Variants in TRPC3 observed in about 807,000 individuals in gnomAD.
The protein encoded by TRPC3 is short transient receptor potential channel 3.
In TRPC3, 54 loss-of-function variants were observed where a neutral mutation model predicts 90.9. The observed-to-expected ratio is 0.59, with a 90% CI of 0.48 to 0.75. The LOEUF (loss-of-function observed/expected upper bound fraction) is 0.75, where lower values mean the gene tolerates loss of function less well. Ranked by LOEUF, TRPC3 falls within the 30% of genes least tolerant of loss-of-function variation. The pLI is 0.00. For synonymous variants in TRPC3, 424 were observed against 450.9 expected, an observed-to-expected ratio of 0.94 and a Z score of 0.75; for missense variants, 918 against 1,194.5, an observed-to-expected ratio of 0.77 and a Z score of 3.41.
At chr4:121,914,591 C>G (rs749200935) in intron 4 of TRPC3, among the ~76,000 whole-genome samples, 189 bp downstream of exon 4, 1 of 152,252 alleles carries the variant, frequency 6.6e-6, no homozygotes, top group South Asian at 2.1e-4. Context: ...GTATATCCCA[C>G]TGGTACCAAA....
chr4:121,890,189 A>C (rs900193508), intron 10 of TRPC3, among the ~76,000 whole-genome samples: 1 of 152,170 alleles, frequency 6.6e-6, no homozygotes, highest in Non-Finnish European at 1.5e-5. Flanking sequence ...AAGTAGGGAG[A>C]AGTTGGTCAC....
At chr4:121,944,629 A>C (rs1679858934) in intron 1 of TRPC3, among the ~76,000 whole-genome samples, 1 of 152,204 alleles carries the variant, frequency 6.6e-6, no homozygotes, top group African/African-American at 2.4e-5. Context: ...TTTAATATTA[A>C]TAAAAGGGAT....
intron 1 of TRPC3, among the ~76,000 whole-genome samples, chr4:121,945,373 G>A (rs1202957940): frequency 6.6e-6 from 1 of 152,090 alleles, no homozygotes; most frequent in African/African-American, 2.4e-5. Flanking sequence ...AGGAGAACAA[G>A]GAATTGCAAC....
At chr4:121,919,564 A>G (rs1479351366) in intron 3 of TRPC3, among the ~76,000 whole-genome samples, 1 of 152,206 alleles carries the variant, frequency 6.6e-6, no homozygotes, top group Admixed American at 6.5e-5. Flanking sequence ...TGCAGGACAC[A>G]GGACTGTGCC....
At position 121,951,164 on chromosome 4, in the gene TRPC3, T is replaced by C. The variant is rs1316232635; in HGVS notation, c.215+302A>G. 6.6e-6 allele frequency among the ~76,000 whole-genome samples: 1 copy of C among 152,160 alleles called. No individual in the cohort carries two copies. The highest frequency in any genetic ancestry group is 2.4e-5 in the African/African-American group (1 of 41,448). ...CGGCTCTAATACAGGGAGTGGCTGC[T>C]CGCCAGGATGCTTGTCTGAAGTCAG... On this transcript the variant is annotated intron_variant, in intron 1 of 11. Transcript: ENST00000379645. The surrounding 1 kb of genome is among the most constrained non-coding windows in gnomAD (Gnocchi z 4.4).
At chr4:121,942,085 G>A (rs1372298950) in intron 1 of TRPC3, among the ~76,000 whole-genome samples, 2 of 152,070 alleles carry the variant, frequency 1.3e-5, no homozygotes, top group African/African-American at 2.4e-5. Flanking sequence ...AGAGGAAAGC[G>A]CAGATTTCAT....
intron 5 of TRPC3, 146 bp from the exon 6 acceptor site, chr4:121,910,533 G>A (rs1314498529): frequency 1.5e-6 from 1 of 658,772 alleles, no homozygotes; most frequent in East Asian, 2.7e-5. Flanking sequence ...CTGACTGTAT[G>A]GTCACTGAGG....
intron 4 of TRPC3, among the ~76,000 whole-genome samples, chr4:121,914,384 C>A (rs1010551565): frequency 1.3e-5 from 2 of 152,216 alleles, no homozygotes; most frequent in African/African-American, 4.8e-5. Context: ...TAGTTCCCAG[C>A]GTAACTGTTT....
rs920302722 is a variant in TRPC3 at position 121,878,376 on chromosome 4, G to A, written c.*1360C>T. Among the ~76,000 whole-genome samples the A allele has an allele frequency of 3.3e-5, 5 of 152,052 alleles. No individual in the cohort carries two copies. The highest frequency in any genetic ancestry group is 1.2e-4 in the African/African-American group (5 of 41,394). On this transcript the variant is annotated 3_prime_UTR_variant, in exon 12 of 12. Transcript: ENST00000379645. ...ATTTTAAAGTAGCATGTATTTAGTTGGTTTTAAGGACCTCTGAAAATCTTT... is the reference window on the plus strand; with the variant it reads ...ATTTTAAAGTAGCATGTATTTAGTTAGTTTTAAGGACCTCTGAAAATCTTT...
intron 10 of TRPC3, among the ~76,000 whole-genome samples, chr4:121,890,663 C>T (rs1578601222): frequency 1.3e-5 from 2 of 152,096 alleles, no homozygotes; most frequent in South Asian, 4.2e-4. Flanking sequence ...TAAAATTATT[C>T]AAAAATTAAA....
chr4:121,918,001 C>T (rs1729374623), intron 3 of TRPC3, among the ~76,000 whole-genome samples: 1 of 152,178 alleles, frequency 6.6e-6, no homozygotes, highest in Admixed American at 6.5e-5. Flanking sequence ...TTGAATGTGT[C>T]TCCTCCAACA....
At chr4:121,948,364 GT>G (rs79971079) in intron 1 of TRPC3, among the ~76,000 whole-genome samples, 38 of 70,650 alleles carry the variant, frequency 5.4e-4, no homozygotes, top group South Asian at 2.4e-3. Context: ...ATTCTAGCTG[GT>G]TTTTTTTTTT....
chr4:121,894,544 G>C (rs1328942114), intron 10 of TRPC3, among the ~76,000 whole-genome samples: 1 of 133,702 alleles, frequency 7.5e-6, no homozygotes, highest in African/African-American at 2.7e-5. Context: ...CAGCTGGAAA[G>C]TACACATTCT....
At chr4:121,893,069 C>T (rs1429457654) in intron 10 of TRPC3, among the ~76,000 whole-genome samples, 1 of 144,946 alleles carries the variant, frequency 6.9e-6, no homozygotes, top group Admixed American at 7.2e-5. Flanking sequence ...TGCAGTGAGC[C>T]GAGATTGCAC....
At position 121,905,208 on chromosome 4, in the gene TRPC3, T is replaced by TA. The variant is rs200525021; in HGVS notation, c.2058-692dup. 4.8e-3 allele frequency among the ~76,000 whole-genome samples: 729 copies of TA among 152,190 alleles called. 10 individuals are homozygous for TA. Among genetic ancestry groups the TA allele is most frequent in the African/African-American group, 0.016 (683 of 41,556 alleles). ...ACAAATACTTATATTCTTTTTTATA[T>TA]AAAAAAATCTCTGAAAATATCCAAA... On this transcript the variant is annotated intron_variant, in intron 7 of 11. Transcript: ENST00000379645.
At chr4:121,939,102 T>C (rs1052105442) in intron 1 of TRPC3, among the ~76,000 whole-genome samples, 1 of 152,196 alleles carries the variant, frequency 6.6e-6, no homozygotes, top group Non-Finnish European at 1.5e-5. Flanking sequence ...CTCTTCTTTT[T>C]TGCCTTTTCA....
In TRPC3 at chr4:121,934,999, A is replaced by G. The variant is rs370305049; in HGVS notation, c.216-1957T>C. On this transcript the variant is annotated intron_variant, in intron 1 of 11. Transcript: ENST00000379645. ...AAATAAACATATTTGTTTTATATAC[A>G]CATATGTGTTTGTAGCAATTTCTAG... is the stretch of plus-strand genomic sequence containing the variant. 1.9e-4 allele frequency among the ~76,000 whole-genome samples: 29 copies of G among 152,332 alleles called. No individual in the cohort carries two copies. The South Asian group carries it at 2.3e-3, about 12-fold the overall frequency.
chr4:121,895,115 A>G (rs563766890), intron 10 of TRPC3, among the ~76,000 whole-genome samples: 83 of 152,310 alleles, frequency 5.4e-4, no homozygotes, highest in African/African-American at 1.8e-3. Flanking sequence ...CCTTGAAATG[A>G]GTGAAAATAG....
chr4:121,944,369 C>T (rs1488275947), intron 1 of TRPC3, among the ~76,000 whole-genome samples: 2 of 140,528 alleles, frequency 1.4e-5, no homozygotes, highest in Non-Finnish European at 1.5e-5. Context: ...TTCTTCCTCC[C>T]ATTACATTTC....
Sources: allele counts gnomAD v4.1 joint callset (sites outside exome capture counted in the v4.1 genomes callset), GRCh38; gene constraint gnomAD v4.1.1; non-coding constraint Gnocchi (gnomAD v3.1); transcripts MANE v1.5; gene names NCBI Gene and HGNC (gene_info 2026-07-23, HGNC 2026-07-21).